HECW2: variants seen among roughly 807,000 people sequenced by gnomAD.
HECW2 encodes E3 ubiquitin-protein ligase HECW2.
Under a neutral mutation model 175.2 loss-of-function variants are expected in HECW2, and 61 were observed. The observed-to-expected ratio is 0.35, with a 90% CI of 0.28 to 0.43. The LOEUF is 0.43. Among genes scored for constraint, HECW2 ranks in the 20% least tolerant of loss-of-function variants. HECW2 has a pLI of 1.00. For missense variants in HECW2, 1,524 were observed against 2,000.5 expected, an observed-to-expected ratio of 0.76 and a Z score of 4.54; for synonymous variants, 671 against 731.0, an observed-to-expected ratio of 0.92 and a Z score of 1.32.
chr2:196,344,959 T>G (rs183968745), intron 2 of HECW2, among the ~76,000 whole-genome samples: 26 of 152,080 alleles, frequency 1.7e-4, no homozygotes, highest in Non-Finnish European at 1.6e-4. Flanking sequence ...GGATTTCTGG[T>G]TTTTTTTGTG....
chr2:196,555,644 C>A (rs953009617), intron 1 of HECW2, among the ~76,000 whole-genome samples: 1 of 152,096 alleles, frequency 6.6e-6, no homozygotes, highest in Non-Finnish European at 1.5e-5. Flanking sequence ...GTGACTTTAA[C>A]TGCTTAGAAA....
chr2:196,495,727 A>G (rs1283342419), intron 1 of HECW2, among the ~76,000 whole-genome samples: 5 of 152,226 alleles, frequency 3.3e-5, no homozygotes, highest in Admixed American at 3.3e-4. Flanking sequence ...AATCCAAATG[A>G]GAATAATTGC....
At chr2:196,232,267 A>C (rs1688087494) in intron 21 of HECW2, among the ~76,000 whole-genome samples, 1 of 152,242 alleles carries the variant, frequency 6.6e-6, no homozygotes, top group Non-Finnish European at 1.5e-5. Flanking sequence ...TAGAAGTATC[A>C]GGGTTTCTTT....
At chr2:196,212,700 G>A (rs1199952837) in intron 28 of HECW2, among the ~76,000 whole-genome samples, 4 of 152,010 alleles carry the variant, frequency 2.6e-5, no homozygotes, top group African/African-American at 9.7e-5. Context: ...TATTCTCTTG[G>A]GTATATACCC....
At chr2:196,296,230 G>A (rs1415453580) in intron 13 of HECW2, among the ~76,000 whole-genome samples, 1 of 152,128 alleles carries the variant, frequency 6.6e-6, no homozygotes. Flanking sequence ...TAGAACTACA[G>A]TGCAGATTCT....
chr2:196,387,313 T>G (rs1425909585), intron 2 of HECW2, among the ~76,000 whole-genome samples: 2 of 152,028 alleles, frequency 1.3e-5, no homozygotes, highest in Non-Finnish European at 2.9e-5. Flanking sequence ...TATTAAGAGG[T>G]AGGCCTTTAA....
chr2:196,533,471 GT>G lies in HECW2; in HGVS notation c.-36+60036del, dbSNP rs1310519650. 7.6e-4 allele frequency among the ~76,000 whole-genome samples: 115 copies of G among 151,862 alleles called. 1 individual carries two copies. Among genetic ancestry groups the G allele is most frequent in the Non-Finnish European group, 1.5e-4 (10 of 67,976 alleles). ...CAAGAGACTACTCATCTTTTTTTGT[GT>G]GTGTGGGGGGGTATCTTTTATCTAA... On this transcript the variant is annotated intron_variant, in intron 1 of 28. Transcript: ENST00000644978.
intron 2 of HECW2, among the ~76,000 whole-genome samples, chr2:196,379,361 C>T (rs569713803): frequency 3.9e-5 from 6 of 152,212 alleles, no homozygotes; most frequent in Admixed American, 1.3e-4. Flanking sequence ...TCTACACATA[C>T]GTAAATGTTC....
intron 2 of HECW2, among the ~76,000 whole-genome samples, chr2:196,431,518 C>A (rs1695712258): frequency 6.6e-6 from 1 of 151,998 alleles, no homozygotes; most frequent in African/African-American, 2.4e-5. Context: ...TATTTGTAGT[C>A]TCATATTAAG....
intron 1 of HECW2, among the ~76,000 whole-genome samples, chr2:196,445,682 G>A (rs1696161907): frequency 6.6e-6 from 1 of 152,118 alleles, no homozygotes; most frequent in Non-Finnish European, 1.5e-5. Context: ...CTCATTATGG[G>A]GCATGATCAG....
intron 18 of HECW2, 102 bp downstream of exon 18, chr2:196,257,721 C>T (rs908371054): frequency 2.4e-6 from 2 of 825,246 alleles, no homozygotes; most frequent in Non-Finnish European, 3.9e-6. Flanking sequence ...AGAATAAGAA[C>T]AATTTTTAGG....
chr2:196,324,016 C>T (rs1692057656), intron 6 of HECW2, among the ~76,000 whole-genome samples: 1 of 147,434 alleles, frequency 6.8e-6, no homozygotes, highest in African/African-American at 2.5e-5. Context: ...ACCATAGGAA[C>T]TGCCCAGGAG....
chr2:196,399,988 T>A (rs955819249), intron 2 of HECW2, among the ~76,000 whole-genome samples: 3 of 152,202 alleles, frequency 2.0e-5, no homozygotes, highest in African/African-American at 7.2e-5. Context: ...TATATTTAAC[T>A]GAATTACTAC....
intron 9 of HECW2, 32 bp from the exon 10 acceptor site, chr2:196,317,401 T>C (rs768192798): frequency 6.7e-7 from 1 of 1,482,884 alleles, no homozygotes; most frequent in African/African-American, 1.4e-5. Flanking sequence ...TACCAGGTAT[T>C]GTTTTCTCTT....
chr2:196,557,307 A>G (rs780954728), intron 1 of HECW2, among the ~76,000 whole-genome samples: 6 of 151,982 alleles, frequency 3.9e-5, no homozygotes, highest in Admixed American at 6.6e-5. Context: ...AGGCAGGAGA[A>G]TTGCTTGAAC....
chr2:196,264,392 C>T (rs1406538389), intron 17 of HECW2, among the ~76,000 whole-genome samples: 2 of 152,050 alleles, frequency 1.3e-5, no homozygotes, highest in Non-Finnish European at 2.9e-5. Flanking sequence ...TAGGAAAAAT[C>T]AACAGTAAAA....
intron 1 of HECW2, among the ~76,000 whole-genome samples, chr2:196,484,988 T>G (rs1191715334): frequency 2.6e-5 from 4 of 152,122 alleles, no homozygotes; most frequent in Non-Finnish European, 5.9e-5. Flanking sequence ...GAGGCAAGTC[T>G]GAATCAACCC....
intron 1 of HECW2, among the ~76,000 whole-genome samples, chr2:196,457,700 C>T (rs563576621): frequency 6.6e-6 from 1 of 152,216 alleles, no homozygotes; most frequent in African/African-American, 2.4e-5. Flanking sequence ...ATATGATTTC[C>T]AAGATACCTC....
intron 1 of HECW2, among the ~76,000 whole-genome samples, chr2:196,496,370 G>A (rs1035623073): frequency 6.6e-6 from 1 of 151,526 alleles, no homozygotes; most frequent in Non-Finnish European, 1.5e-5. Flanking sequence ...AGTATGCTGG[G>A]TTGATATGAG....
Sources: allele counts gnomAD v4.1 joint callset (sites outside exome capture counted in the v4.1 genomes callset), GRCh38; gene constraint gnomAD v4.1.1; transcripts MANE v1.5; gene names NCBI Gene and HGNC (gene_info 2026-07-23, HGNC 2026-07-21).